MAML3: variants seen among roughly 807,000 people sequenced by gnomAD.
The protein encoded by MAML3 is mastermind-like protein 3.
A neutral mutation model predicts 101.9 loss-of-function variants in MAML3; 27 were observed. The observed-to-expected ratio is 0.27, with a 90% confidence interval of 0.20 to 0.37. The LOEUF is 0.37. MAML3 is among the 10% of genes least tolerant of loss of function. The pLI, the probability that MAML3 is intolerant of heterozygous loss-of-function variation, is 1.00. For missense variants in MAML3, 1,316 were observed against 1,444.9 expected (o/e 0.91, Z 1.45); for synonymous variants, 501 against 555.9 (o/e 0.90, Z 1.39).
intron 1 of MAML3, among the ~76,000 whole-genome samples, chr4:140,142,649 G>A (rs1001412095): frequency 6.6e-6 from 1 of 152,092 alleles, no homozygotes; most frequent in African/African-American, 2.4e-5. Flanking sequence ...TTATCCCCTT[G>A]AGGCCATACA....
At chr4:139,946,597 T>C (rs1184618150) in intron 1 of MAML3, among the ~76,000 whole-genome samples, 1 of 152,172 alleles carries the variant, frequency 6.6e-6, no homozygotes, top group African/African-American at 2.4e-5. Flanking sequence ...CAAGTTTTCA[T>C]GCCAGAAAAA....
intron 1 of MAML3, among the ~76,000 whole-genome samples, chr4:140,038,096 C>G (rs1361988721): frequency 6.6e-6 from 1 of 152,232 alleles, no homozygotes; most frequent in African/African-American, 2.4e-5. Context: ...ATAAAGATCA[C>G]AGGATACTTC....
chr4:140,070,115 C>CAAATAAATAAATAAATAAAT (rs60471093), intron 1 of MAML3, among the ~76,000 whole-genome samples: 2 of 149,762 alleles, frequency 1.3e-5, no homozygotes, highest in African/African-American at 2.5e-5. Context: ...GACTCCATCT[C>CAAATAAATAAATAAATAAAT]AAATAAATAA....
intron 1 of MAML3, among the ~76,000 whole-genome samples, chr4:140,141,444 T>G (rs1194841299): frequency 2.6e-5 from 4 of 152,182 alleles, no homozygotes; most frequent in Non-Finnish European, 5.9e-5. Flanking sequence ...GACCTGAGAT[T>G]TTTATGACCA....
At chr4:139,868,044 C>T (rs1339761674) in intron 2 of MAML3, among the ~76,000 whole-genome samples, 1 of 152,186 alleles carries the variant, frequency 6.6e-6, no homozygotes, top group Non-Finnish European at 1.5e-5. Context: ...TTCTTTTGTA[C>T]CTAGGGTTGT....
chr4:139,724,155 G>A (rs1402863509), intron 4 of MAML3, among the ~76,000 whole-genome samples: 2 of 152,214 alleles, frequency 1.3e-5, no homozygotes, highest in Non-Finnish European at 2.9e-5. Context: ...CTGTGTCAAG[G>A]CCAAAGGATC....
chr4:140,022,638 G>C (rs1409521942), intron 1 of MAML3, among the ~76,000 whole-genome samples: 4 of 152,178 alleles, frequency 2.6e-5, no homozygotes, highest in Non-Finnish European at 5.9e-5. Context: ...GTGTAGGCCA[G>C]ACAAGAAGCA....
At chr4:139,926,124 T>C (rs1321148765) in intron 1 of MAML3, among the ~76,000 whole-genome samples, 1 of 151,886 alleles carries the variant, frequency 6.6e-6, no homozygotes, top group Non-Finnish European at 1.5e-5. Flanking sequence ...AGGCATATGC[T>C]CTGTTTATTT....
chr4:139,992,651 G>A (rs1167241411), intron 1 of MAML3, among the ~76,000 whole-genome samples: 2 of 151,908 alleles, frequency 1.3e-5, no homozygotes, highest in East Asian at 1.9e-4. Flanking sequence ...TCAGCCTCTC[G>A]GGTTCAAGTG....
chr4:139,718,075 G>C lies in MAML3; in HGVS notation c.*1248C>G, dbSNP rs1728063354. Reference sequence around the variant, plus strand: ...TCTGATGAGTAGGGATGATGGGAAAGGTGGATTTTTAGAGCATCACTCCCA... The same window carrying C: ...TCTGATGAGTAGGGATGATGGGAAACGTGGATTTTTAGAGCATCACTCCCA... On this transcript the variant is annotated 3_prime_UTR_variant, in exon 5 of 5. Transcript: ENST00000509479. 1 of 152,150 alleles carries C rather than the reference G, an allele frequency of 6.6e-6. No individual in the cohort carries two copies. The highest frequency in any genetic ancestry group is 2.4e-5 in the African/African-American group (1 of 41,424). The allele number at this position is 152,150 out of a possible 1,614,324, so 9.4% of individuals were successfully genotyped here.
At chr4:139,970,003 C>A (rs1734206379) in intron 1 of MAML3, among the ~76,000 whole-genome samples, 2 of 152,292 alleles carry the variant, frequency 1.3e-5, no homozygotes, top group South Asian at 4.1e-4. Context: ...TATTCAACAG[C>A]ATTTGATGAA....
intron 2 of MAML3, among the ~76,000 whole-genome samples, chr4:139,833,118 G>C (rs1433928505): frequency 6.6e-6 from 1 of 152,132 alleles, no homozygotes; most frequent in African/African-American, 2.4e-5. Flanking sequence ...TCTTCGTCAC[G>C]TCACCAGCAG....
At chr4:140,044,323 G>A (rs1353565701) in intron 1 of MAML3, among the ~76,000 whole-genome samples, 1 of 152,114 alleles carries the variant, frequency 6.6e-6, no homozygotes, top group Non-Finnish European at 1.5e-5. Context: ...AATATGAACT[G>A]AATTATATTA....
Position 140,152,921 on chromosome 4 carries a change from C to G in MAML3, c.407G>C (p.Ser136Thr). The G allele has an allele frequency of 6.2e-7, 1 of 1,612,816 alleles. No homozygotes were observed. The highest frequency in any genetic ancestry group is 2.2e-5 in the East Asian group (1 of 44,836). Residue 136 changes from serine (S) to threonine (T), a missense_variant, in exon 1 of 5, where the codon AGC (serine) becomes ACC (threonine). Coordinates refer to ENST00000509479, the MANE Select transcript of MAML3 (RefSeq NM_018717.5). ...AGCCTCCGCATCTTGCTGGGGTTTG[C>G]TCGGGTGCTGCTGTTTGCCGGTGCC... Reference protein sequence around the residue: ...GAGTGKQQHPSKPQQDAEAAS... With the variant: ...GAGTGKQQHPTKPQQDAEAAS...
chr4:140,138,209 T>C (rs1037112251), intron 1 of MAML3, among the ~76,000 whole-genome samples: 3 of 152,204 alleles, frequency 2.0e-5, no homozygotes, highest in Non-Finnish European at 4.4e-5. Context: ...AAATACAACT[T>C]GCCAGAAGTA....
In MAML3 at chr4:139,944,327, C is replaced by G. The variant is rs369297951; in HGVS notation, c.469-53360G>C. Among the ~76,000 whole-genome samples the G allele has an allele frequency of 6.4e-4, 97 of 152,276 alleles. No individual in the cohort carries two copies. In the East Asian group the frequency reaches 9.5e-3, roughly 15 times the overall value. Reference sequence around the variant, plus strand: ...TATATCTCCCAATGCTATCCCTCCCCCTTCCCCCCATCCCACCACAGTCCC... The same window carrying G: ...TATATCTCCCAATGCTATCCCTCCCGCTTCCCCCCATCCCACCACAGTCCC... On this transcript the variant is annotated intron_variant, in intron 1 of 4. Transcript: ENST00000509479.
At chr4:139,868,473 G>GTCAC (rs1376902407) in intron 2 of MAML3, among the ~76,000 whole-genome samples, 1 of 152,152 alleles carries the variant, frequency 6.6e-6, no homozygotes, top group Non-Finnish European at 1.5e-5. Context: ...AGTTTAATAT[G>GTCAC]TCACCTAAAA....
In MAML3 at chr4:140,062,758, G is replaced by A. The variant is rs566437254; in HGVS notation, c.468+90102C>T. Among the ~76,000 whole-genome samples, 42 of 152,248 alleles carry A rather than the reference G, an allele frequency of 2.8e-4. 2 individuals carry two copies. In the South Asian group the frequency reaches 7.3e-3, roughly 26 times the overall value. ...ACTGCTTAGGAATGGGAAAAGCACC[G>A]CTATGAGGAAAGTGCACAGTTCCAG... On this transcript the variant is annotated intron_variant, in intron 1 of 4. Transcript: ENST00000509479.
At chr4:139,768,300 T>G (rs1002219147) in intron 2 of MAML3, among the ~76,000 whole-genome samples, 1 of 151,662 alleles carries the variant, frequency 6.6e-6, no homozygotes, top group South Asian at 2.1e-4. Flanking sequence ...AATTGATAAT[T>G]TTTGTTTTTG....
Sources: allele counts gnomAD v4.1 joint callset (sites outside exome capture counted in the v4.1 genomes callset), GRCh38; gene constraint gnomAD v4.1.1; transcripts MANE v1.5; gene names NCBI Gene and HGNC (gene_info 2026-07-23, HGNC 2026-07-21).